Variants in ITGBL1 observed in about 807,000 individuals in gnomAD.
The protein encoded by ITGBL1 is integrin subunit beta like 1, also known as integrin beta-like protein 1.
In ITGBL1, 51 loss-of-function variants were observed where a neutral mutation model predicts 68.5. The ratio of observed to expected loss-of-function variants is 0.74; its 90% CI spans 0.59 to 0.94. The LOEUF is 0.94. ITGBL1 is among the 40% of genes least tolerant of loss of function. The pLI is 0.00. For missense variants in ITGBL1, 649 were observed against 647.4 expected, an observed-to-expected ratio of 1.00 and a Z score of -0.03; for synonymous variants, 209 against 227.3, an observed-to-expected ratio of 0.92 and a Z score of 0.72.
intron 2 of ITGBL1, among the ~76,000 whole-genome samples, chr13:101,545,701 A>C (rs1412779408): frequency 6.6e-6 from 1 of 152,146 alleles, no homozygotes; most frequent in Non-Finnish European, 1.5e-5. Context: ...ATAAACAATA[A>C]AAAAAGTCAT....
At position 101,454,053 on chromosome 13, in the gene ITGBL1, A is replaced by G; in HGVS notation, c.269A>G (p.Glu90Gly). The G allele has an allele frequency of 1.3e-6, 2 of 1,591,752 alleles. No individual in the cohort carries two copies. The highest frequency in any genetic ancestry group is 1.7e-6 in the Non-Finnish European group (2 of 1,169,472). ...EPGMFFGPLCECHEWVCETYD... is the reference protein window; with the variant it reads ...EPGMFFGPLCGCHEWVCETYD... ...GGCATGTTCTTCGGGCCCCTGTGTG[A>G]GTGCCATGAGTGGGTGTGCGAGACC... is the stretch of plus-strand genomic sequence containing the variant. The change falls in exon 2 of 11, where the codon GAG (glutamate) becomes GGG (glycine). Residue 90 changes from glutamate (E) to glycine (G), a missense_variant. Coordinates refer to ENST00000376180, the MANE Select transcript of ITGBL1 (RefSeq NM_004791.3).
rs534084483 is a variant in ITGBL1, at chr13:101,481,392, G to C, written c.316+27292G>C. Reference sequence around the variant, plus strand: ...ATAATATTCTAAAATTTTGTGGGTGGCTATAGGAAGAAAAGGGAAAGAATG... The same window carrying C: ...ATAATATTCTAAAATTTTGTGGGTGCCTATAGGAAGAAAAGGGAAAGAATG... On this transcript the variant is annotated intron_variant, in intron 2 of 10. Coordinates refer to ENST00000376180, the MANE Select transcript of ITGBL1 (RefSeq NM_004791.3). Among the ~76,000 whole-genome samples the C allele has an allele frequency of 1.2e-4, 18 of 152,078 alleles. No homozygotes were observed. The South Asian group carries it at 1.7e-3, about 14-fold the overall frequency.
At chr13:101,579,643 A>T (rs1399113679) in intron 5 of ITGBL1, among the ~76,000 whole-genome samples, 1 of 152,180 alleles carries the variant, frequency 6.6e-6, no homozygotes, top group East Asian at 1.9e-4. Flanking sequence ...GTCATTCTTT[A>T]AGCTTCACTG....
At chr13:101,579,153 G>T (rs996682245) in intron 4 of ITGBL1, 134 bp from the exon 5 acceptor site, 4 of 907,466 alleles carry the variant, frequency 4.4e-6, no homozygotes, top group Non-Finnish European at 6.8e-6. Flanking sequence ...TGTATAATTT[G>T]ATTATTTTAG....
In ITGBL1 at chr13:101,453,899, G is replaced by C. The variant is rs1206787267; in HGVS notation, c.115G>C (p.Ala39Pro). 8.0e-7 allele frequency: 1 copy of C among 1,252,484 alleles called. No individual in the cohort carries two copies. The allele number at this position is 1,252,484 out of a possible 1,614,324, so 77.6% of individuals were successfully genotyped here. Residue 39 changes from alanine to proline, a missense_variant, in exon 2 of 11, where the codon GCC (alanine) becomes CCC (proline). Coordinates refer to ENST00000376180, the MANE Select transcript of ITGBL1 (RefSeq NM_004791.3). ...CCCGCGCAGGAGCTGGCCGGGCGCC[G>C]CCTGCAGGCTGTCCCGGGCCGAGTC... The part of the protein sequence containing the change: ...SPSLRSWPGA[A>P]CRLSRAESER...
intron 8 of ITGBL1, among the ~76,000 whole-genome samples, chr13:101,704,893 A>T (rs146947001): frequency 1.2e-3 from 184 of 152,286 alleles, no homozygotes; most frequent in African/African-American, 4.1e-3. Context: ...AGCTAGGTGA[A>T]AAAGACCACA....
At chr13:101,506,013 G>A (rs1376395022) in intron 2 of ITGBL1, among the ~76,000 whole-genome samples, 1 of 152,162 alleles carries the variant, frequency 6.6e-6, no homozygotes, top group African/African-American at 2.4e-5. Flanking sequence ...GTAGTGACAT[G>A]AGAAAGAGAT....
chr13:101,558,513 A>G (rs1373838642), intron 2 of ITGBL1, among the ~76,000 whole-genome samples: 1 of 152,204 alleles, frequency 6.6e-6, no homozygotes, highest in African/African-American at 2.4e-5. Flanking sequence ...TGAAAGCTAG[A>G]AGGTGACAAA....
intron 9 of ITGBL1, chr13:101,712,838 A>G (rs2139609465): frequency 6.6e-6 from 1 of 152,302 alleles, no homozygotes; most frequent in South Asian, 2.1e-4. Context: ...TAAAATCAGG[A>G]AATTCCTCAC....
rs891449955 is a variant in ITGBL1, at chr13:101,588,883, C to T, written c.868+5527C>T. ...TGGAATTGAGAAACTGGTAAATTCA[C>T]AAGAAAAGTTGCAATTTTGTTTTAT... On this transcript the variant is annotated intron_variant, in intron 6 of 10. Coordinates refer to ENST00000376180, the MANE Select transcript of ITGBL1 (RefSeq NM_004791.3). 4.1e-4 allele frequency among the ~76,000 whole-genome samples: 62 copies of T among 152,092 alleles called. 1 individual carries two copies. The highest frequency in any genetic ancestry group is 4.4e-4 in the Non-Finnish European group (30 of 68,026).
intron 2 of ITGBL1, among the ~76,000 whole-genome samples, chr13:101,525,044 G>A (rs921417897): frequency 3.9e-5 from 6 of 151,972 alleles, no homozygotes; most frequent in Non-Finnish European, 7.4e-5. Flanking sequence ...TGTAGTGCTT[G>A]TCCAAGCTTT....
intron 7 of ITGBL1, among the ~76,000 whole-genome samples, chr13:101,658,480 T>C (rs973659350): frequency 5.3e-5 from 8 of 152,178 alleles, no homozygotes; most frequent in Non-Finnish European, 5.9e-5. Context: ...ATATTATGTG[T>C]GTTGCTTTGA....
At chr13:101,524,751 A>G (rs1306130194) in intron 2 of ITGBL1, among the ~76,000 whole-genome samples, 1 of 151,694 alleles carries the variant, frequency 6.6e-6, no homozygotes, top group Non-Finnish European at 1.5e-5. Flanking sequence ...ATGAATACAC[A>G]TTTATTTGGG....
At chr13:101,709,092 G>A (rs182938216) in intron 9 of ITGBL1, among the ~76,000 whole-genome samples, 2,097 of 152,186 alleles carry the variant, frequency 0.014, 50 homozygotes, top group African/African-American at 0.048. Flanking sequence ...GAGGCCGGGC[G>A]CGGTGGCTCA....
chr13:101,552,911 G>T (rs2049944037), intron 2 of ITGBL1, among the ~76,000 whole-genome samples: 1 of 152,166 alleles, frequency 6.6e-6, no homozygotes, highest in South Asian at 2.1e-4. Context: ...CAGTAAAAAT[G>T]TTCTCTCTGT....
In ITGBL1 at chr13:101,645,389, A is replaced by G. The variant is rs541260857; in HGVS notation, c.1015+47090A>G. ...ACTCAGTGGCTTCTGTTTCTTTTTC[A>G]TACAATTATATTTCATTGACTTTGA... On this transcript the variant is annotated intron_variant, in intron 7 of 10. Coordinates refer to ENST00000376180, the MANE Select transcript of ITGBL1 (RefSeq NM_004791.3). 3.3e-5 allele frequency among the ~76,000 whole-genome samples: 5 copies of G among 152,270 alleles called. No homozygotes were observed. In the East Asian group the frequency reaches 7.7e-4, roughly 24 times the overall value.
At chr13:101,532,044 T>C (rs373428640) in intron 2 of ITGBL1, among the ~76,000 whole-genome samples, 6 of 152,250 alleles carry the variant, frequency 3.9e-5, no homozygotes, top group Admixed American at 3.3e-4. Flanking sequence ...AGTTTTATAC[T>C]TTTTAATTTA....
chr13:101,466,177 T>C (rs992238104), intron 2 of ITGBL1, among the ~76,000 whole-genome samples: 1 of 152,226 alleles, frequency 6.6e-6, no homozygotes, highest in African/African-American at 2.4e-5. Flanking sequence ...GTTCTATTGC[T>C]AGTGACTTAG....
intron 7 of ITGBL1, among the ~76,000 whole-genome samples, chr13:101,621,159 C>T (rs766900732): frequency 6.6e-6 from 1 of 152,156 alleles, no homozygotes; most frequent in South Asian, 2.1e-4. Flanking sequence ...ATATCATACA[C>T]GTTCTTCTGA....
Sources: allele counts gnomAD v4.1 joint callset (sites outside exome capture counted in the v4.1 genomes callset), GRCh38; gene constraint gnomAD v4.1.1; transcripts MANE v1.5; gene names NCBI Gene and HGNC (gene_info 2026-07-23, HGNC 2026-07-21).